The following DLC1 variants were observed in gnomAD, a reference collection of about 807,000 sequenced individuals.
DLC1 encodes DLC1 Rho GTPase activating protein, also known as rho GTPase-activating protein 7.
A neutral mutation model predicts 140.3 loss-of-function variants in DLC1; 54 were observed. The ratio of observed to expected loss-of-function variants is 0.38; its 90% confidence interval spans 0.31 to 0.48. DLC1 has a LOEUF of 0.48. Ranked by LOEUF, DLC1 falls within the 20% of genes least tolerant of loss-of-function variation. DLC1 has a pLI of 0.96. For missense variants in DLC1, 2,536 were observed against 1,907.0 expected, an observed-to-expected ratio of 1.33 and a Z score of -6.14; for synonymous variants, 986 against 728.1, an observed-to-expected ratio of 1.35 and a Z score of -5.70.
chr8:13,565,842 T>C (rs932645553), intron 1 of DLC1, among the ~76,000 whole-genome samples: 13 of 152,196 alleles, frequency 8.5e-5, no homozygotes, highest in South Asian at 2.1e-4. Flanking sequence ...TTTCTCACGA[T>C]AATTAATAAA....
intron 4 of DLC1, among the ~76,000 whole-genome samples, chr8:13,388,064 A>G (rs913114456): frequency 3.3e-5 from 5 of 152,040 alleles, no homozygotes; most frequent in Non-Finnish European, 5.9e-5. Flanking sequence ...ATAATTTAAA[A>G]TATAATTTTA....
intron 4 of DLC1, among the ~76,000 whole-genome samples, chr8:13,379,969 G>C (rs1836177204): frequency 6.6e-6 from 1 of 152,082 alleles, no homozygotes; most frequent in African/African-American, 2.4e-5. Context: ...CACAGGGAGG[G>C]GAAATCCATC....
At chr8:13,132,442 T>A (rs1030452187) in intron 5 of DLC1, among the ~76,000 whole-genome samples, 2 of 151,570 alleles carry the variant, frequency 1.3e-5, no homozygotes, top group African/African-American at 2.4e-5. Context: ...AAAAAAAAAA[T>A]TTCCAAGCGC....
intron 5 of DLC1, among the ~76,000 whole-genome samples, chr8:13,251,428 G>A (rs1829999287): frequency 6.6e-6 from 1 of 151,940 alleles, no homozygotes; most frequent in African/African-American, 2.4e-5. Flanking sequence ...TTGGGATTTG[G>A]GAAATATAGT....
At position 13,090,122 on chromosome 8, in the gene DLC1, G is replaced by A. The variant is rs535034981; in HGVS notation, c.4074+130C>T. ...CCACGGGGATCTTACTCACCCCGGT[G>A]CCCAGCTCTACAAGGGAGGTTGTGG... On this transcript the variant is annotated intron_variant, in intron 15 of 17. Transcript: ENST00000276297. 1.1e-5 allele frequency: 9 copies of A among 802,114 alleles called. No individual in the cohort carries two copies. The Admixed American group carries it at 1.4e-4, about 13-fold the overall frequency. The allele number at this position is 802,114 out of a possible 1,614,324, so 49.7% of individuals were successfully genotyped here. A position where few individuals can be genotyped will look rare whatever the true frequency, so the allele number is the denominator to read the frequency against.
intron 1 of DLC1, among the ~76,000 whole-genome samples, chr8:13,531,335 C>G (rs1803090463): frequency 6.6e-6 from 1 of 152,164 alleles, no homozygotes; most frequent in South Asian, 2.1e-4. Context: ...CCTGTAATCC[C>G]AGCAATTTGG....
chr8:13,594,197 T>G (rs1388348122), intron 1 of DLC1, among the ~76,000 whole-genome samples: 4 of 152,046 alleles, frequency 2.6e-5, no homozygotes, highest in South Asian at 2.1e-4. Context: ...TATATGATAG[T>G]GATAAAACCT....
At chr8:13,355,120 A>G (rs1031881782) in intron 4 of DLC1, among the ~76,000 whole-genome samples, 8 of 4,792 alleles carry the variant, frequency 1.7e-3, no homozygotes, top group African/African-American at 3.7e-3. Flanking sequence ...ACCATAAAGA[A>G]TTAATTATTC....
intron 5 of DLC1, among the ~76,000 whole-genome samples, chr8:13,191,117 G>A (rs192881954): frequency 6.6e-6 from 1 of 152,152 alleles, no homozygotes; most frequent in Non-Finnish European, 1.5e-5. Context: ...ACAAATGACT[G>A]GTAATAGCAA....
chr8:13,508,420 T>TTTG (rs1802204514), intron 1 of DLC1, among the ~76,000 whole-genome samples: 1 of 42,528 alleles, frequency 2.4e-5, no homozygotes, highest in Non-Finnish European at 1.5e-4. Flanking sequence ...GTAACTTCTT[T>TTTG]TTCTTTTTTT....
At chr8:13,111,716 C>T (rs1156700218) in intron 6 of DLC1, among the ~76,000 whole-genome samples, 1 of 151,884 alleles carries the variant, frequency 6.6e-6, no homozygotes, top group Non-Finnish European at 1.5e-5. Flanking sequence ...ACTATGAGGG[C>T]AAATCATGGG....
At chr8:13,226,561 G>A (rs1247525341) in intron 5 of DLC1, among the ~76,000 whole-genome samples, 3 of 152,206 alleles carry the variant, frequency 2.0e-5, no homozygotes, top group Non-Finnish European at 4.4e-5. Context: ...TCTTCTCTTA[G>A]CAGGTCACTA....
At position 13,297,716 on chromosome 8, in the gene DLC1, T is replaced by C. The variant is rs185557757; in HGVS notation, c.1348+7553A>G. 7.2e-5 allele frequency among the ~76,000 whole-genome samples: 11 copies of C among 152,214 alleles called. No individual in the cohort carries two copies. In the East Asian group the frequency reaches 2.1e-3, roughly 29 times the overall value. On this transcript the variant is annotated intron_variant, in intron 5 of 17. Coordinates refer to ENST00000276297, the MANE Select transcript of DLC1 (RefSeq NM_182643.3). Reference sequence around the variant, plus strand: ...AGTCTTTCCAAAGAGAAGTCTGAAATAGAGCAGTCCTGTTTTAATTTTTTC... The same window carrying C: ...AGTCTTTCCAAAGAGAAGTCTGAAACAGAGCAGTCCTGTTTTAATTTTTTC...
At chr8:13,326,914 C>A (rs533279959) in intron 4 of DLC1, among the ~76,000 whole-genome samples, 2 of 152,198 alleles carry the variant, frequency 1.3e-5, no homozygotes, top group South Asian at 4.2e-4. Context: ...AATTTGTGAT[C>A]AGTAGAAACA....
At chr8:13,220,655 A>C (rs923619388) in intron 5 of DLC1, among the ~76,000 whole-genome samples, 2 of 152,186 alleles carry the variant, frequency 1.3e-5, no homozygotes, top group African/African-American at 2.4e-5. Flanking sequence ...CATTTGTTTT[A>C]CAAATACTGC....
At chr8:13,189,455 C>A (rs960852418) in intron 5 of DLC1, among the ~76,000 whole-genome samples, 2 of 150,646 alleles carry the variant, frequency 1.3e-5, no homozygotes, top group Non-Finnish European at 3.0e-5. Flanking sequence ...TCCACCCAAG[C>A]AAACAAAAAG....
intron 11 of DLC1, 38 bp from the exon 12 acceptor site, chr8:13,094,995 C>A (rs747764736): frequency 2.5e-6 from 4 of 1,613,958 alleles, no homozygotes; most frequent in Non-Finnish European, 3.4e-6. Context: ...GGTACATTCA[C>A]GTGGACGCAG....
At chr8:13,396,545 A>C (rs1225203761) in intron 3 of DLC1, among the ~76,000 whole-genome samples, 4 of 152,164 alleles carry the variant, frequency 2.6e-5, no homozygotes, top group African/African-American at 9.7e-5. Context: ...TCTACGTGGA[A>C]GTTACCATCA....
chr8:13,501,553 A>G (rs1801820686), intron 1 of DLC1, among the ~76,000 whole-genome samples: 1 of 152,210 alleles, frequency 6.6e-6, no homozygotes, highest in African/African-American at 2.4e-5. Context: ...TCTTTAGTCT[A>G]TTCTATTGTA....
Sources: allele counts gnomAD v4.1 joint callset (sites outside exome capture counted in the v4.1 genomes callset), GRCh38; gene constraint gnomAD v4.1.1; transcripts MANE v1.5; gene names NCBI Gene and HGNC (gene_info 2026-07-23, HGNC 2026-07-21).